The following SLCO5A1 variants were observed in gnomAD, a reference collection of about 807,000 sequenced individuals.
The protein encoded by SLCO5A1 is organic anion transporter polypeptide-related protein 4.
Under a neutral mutation model 65.1 loss-of-function variants are expected in SLCO5A1, and 39 were observed. That is an observed-to-expected ratio of 0.60 (90% CI 0.46 to 0.78). SLCO5A1 has a LOEUF of 0.78. SLCO5A1 is among the 30% of genes least tolerant of loss of function. The pLI, the probability that SLCO5A1 is intolerant of heterozygous loss-of-function variation, is 0.00. For synonymous variants in SLCO5A1, 438 were observed against 415.7 expected, an observed-to-expected ratio of 1.05 and a Z score of -0.65; for missense variants, 1,029 against 1,069.4, an observed-to-expected ratio of 0.96 and a Z score of 0.53.
At position 69,672,526 on chromosome 8, in the gene SLCO5A1, A is replaced by G. The variant is rs554400287; in HGVS notation, c.*343T>C. 1.7e-4 allele frequency: 41 copies of G among 234,916 alleles called. No homozygotes were observed. Among genetic ancestry groups the G allele is most frequent in the African/African-American group, 8.0e-4 (36 of 44,828 alleles). 14.6% of individuals were successfully genotyped at this position (234,916 alleles called of 1,614,324 possible). On this transcript the variant is annotated 3_prime_UTR_variant, in exon 10 of 10. Coordinates refer to ENST00000260126, the MANE Select transcript of SLCO5A1 (RefSeq NM_030958.3). ...CCTGGGCAAGCTCACCTTTGTTTGG[A>G]GTGTTAGTTAATGATATGCACCGCC...
intron 2 of SLCO5A1, 112 bp from the exon 3 acceptor site, chr8:69,761,987 T>C (rs1439175806): frequency 2.1e-5 from 28 of 1,346,692 alleles, no homozygotes; most frequent in Middle Eastern, 3.7e-4. Flanking sequence ...CCAGTTAACT[T>C]CCAAAAACGG....
intron 9 of SLCO5A1, among the ~76,000 whole-genome samples, chr8:69,673,857 C>T (rs1248405527): frequency 6.6e-6 from 1 of 152,116 alleles, no homozygotes; most frequent in Non-Finnish European, 1.5e-5. Context: ...AACATGGCAA[C>T]TTTGTAAAAG....
chr8:69,736,025 G>T (rs1001370760), intron 5 of SLCO5A1, among the ~76,000 whole-genome samples: 5 of 152,172 alleles, frequency 3.3e-5, no homozygotes, highest in African/African-American at 1.2e-4. Context: ...AGAAGAAGTG[G>T]AATAGCAAAC....
intron 4 of SLCO5A1, among the ~76,000 whole-genome samples, chr8:69,745,160 C>T (rs1816964841): frequency 6.6e-6 from 1 of 152,082 alleles, no homozygotes; most frequent in African/African-American, 2.4e-5. Context: ...ACATTTTCTT[C>T]AAGATTCAAA....
At chr8:69,738,424 G>C (rs750701582) in intron 4 of SLCO5A1, among the ~76,000 whole-genome samples, 17 of 150,786 alleles carry the variant, frequency 1.1e-4, no homozygotes, top group Non-Finnish European at 8.8e-5. Context: ...TGGAAATTAA[G>C]TAAAGTACCT....
Position 69,832,971 on chromosome 8 carries a change from T to C in SLCO5A1, c.-298A>G. 1 of 391,248 alleles carries C rather than the reference T, an allele frequency of 2.6e-6. No homozygotes were observed. Among genetic ancestry groups the C allele is most frequent in the Non-Finnish European group, 4.4e-6 (1 of 224,720 alleles). 24.2% of individuals were successfully genotyped at this position (391,248 alleles called of 1,614,324 possible). A position where few individuals can be genotyped will look rare whatever the true frequency, so the allele number is the denominator to read the frequency against. Reference sequence around the variant, plus strand: ...CGGGCGGTAGCTTGAGGCAGGCGCCTCGCGCGTCCCGGGCTCATCCCCTCC... The same window carrying C: ...CGGGCGGTAGCTTGAGGCAGGCGCCCCGCGCGTCCCGGGCTCATCCCCTCC... On this transcript the variant is annotated 5_prime_UTR_variant, in exon 2 of 10. Transcript: ENST00000260126. This position sits in a 1 kb window ranked among gnomAD's most constrained non-coding sequence, Gnocchi z 4.5.
intron 2 of SLCO5A1, among the ~76,000 whole-genome samples, chr8:69,775,192 G>A (rs755676982): frequency 1.3e-5 from 2 of 152,114 alleles, no homozygotes; most frequent in African/African-American, 2.4e-5. Flanking sequence ...CTTTCTCCTC[G>A]CTGCCATAGA....
chr8:69,799,396 AT>A (rs548136874), intron 2 of SLCO5A1, among the ~76,000 whole-genome samples: 24 of 152,184 alleles, frequency 1.6e-4, no homozygotes, highest in Middle Eastern at 3.4e-3. Context: ...GATATAATCA[AT>A]TTTTTTTCAT....
chr8:69,692,860 C>A (rs1380734334), intron 6 of SLCO5A1, among the ~76,000 whole-genome samples: 1 of 152,098 alleles, frequency 6.6e-6, no homozygotes, highest in African/African-American at 2.4e-5. Flanking sequence ...TCCCAGTTGA[C>A]TTTTTTAATA....
At chr8:69,802,905 C>A (rs1819813559) in intron 2 of SLCO5A1, among the ~76,000 whole-genome samples, 1 of 152,246 alleles carries the variant, frequency 6.6e-6, no homozygotes, top group Non-Finnish European at 1.5e-5. Flanking sequence ...AGAACTTCAT[C>A]TTGTGCATCA....
Position 69,832,416 on chromosome 8 carries a change from C to T in SLCO5A1, c.258G>A (p.Pro86=), listed in dbSNP as rs777138818. ...AGTCCCCGAGCCCCGCCGAAGTGGACGGGGCAGAGGGACTGGGGGCCAACG... is the reference window on the plus strand; with the variant it reads ...AGTCCCCGAGCCCCGCCGAAGTGGATGGGGCAGAGGGACTGGGGGCCAACG... ...PNPLAPSPSA[P]STSAGLGDCN... is the part of the protein sequence containing the mutation. Residue 86 remains proline, a synonymous_variant, in exon 2 of 10, where the codon CCG becomes CCA. Transcript: ENST00000260126. This position sits in a 1 kb window ranked among gnomAD's most constrained non-coding sequence, Gnocchi z 4.5. The T allele has an allele frequency of 9.9e-6, 16 of 1,612,270 alleles. No homozygotes were observed. Among genetic ancestry groups the T allele is most frequent in the Non-Finnish European group, 1.4e-5 (16 of 1,179,288 alleles).
chr8:69,670,194 T>A lies in SLCO5A1; in HGVS notation c.*2675A>T, dbSNP rs1487089950. 1.3e-5 allele frequency: 2 copies of A among 152,206 alleles called. No individual in the cohort carries two copies. Among genetic ancestry groups the A allele is most frequent in the Non-Finnish European group, 2.9e-5 (2 of 68,042 alleles). 9.4% of individuals were successfully genotyped at this position (152,206 alleles called of 1,614,324 possible). On this transcript the variant is annotated 3_prime_UTR_variant, in exon 10 of 10. Transcript: ENST00000260126. Reference sequence around the variant, plus strand: ...AGTTTATAAAGGACAAGATGACCTTTTCCAAAACAAGTAATTTGAAGCCTA... The same window carrying A: ...AGTTTATAAAGGACAAGATGACCTTATCCAAAACAAGTAATTTGAAGCCTA...
At chr8:69,786,488 A>C (rs1043266015) in intron 2 of SLCO5A1, among the ~76,000 whole-genome samples, 2 of 152,208 alleles carry the variant, frequency 1.3e-5, no homozygotes, top group Non-Finnish European at 2.9e-5. Context: ...TTAAGCTACA[A>C]CAATTAATGT....
At chr8:69,793,815 A>AAAT (rs1282752625) in intron 2 of SLCO5A1, among the ~76,000 whole-genome samples, 17 of 146,002 alleles carry the variant, frequency 1.2e-4, no homozygotes, top group African/African-American at 4.3e-4. Flanking sequence ...ATAAATAAAT[A>AAAT]AAATAAAATT....
At chr8:69,765,810 A>G (rs1260100932) in intron 2 of SLCO5A1, among the ~76,000 whole-genome samples, 1 of 152,004 alleles carries the variant, frequency 6.6e-6, no homozygotes, top group Non-Finnish European at 1.5e-5. Context: ...TGACCTCACC[A>G]TACTCTGCCT....
chr8:69,703,737 C>G (rs771830240), intron 6 of SLCO5A1, among the ~76,000 whole-genome samples: 2 of 152,040 alleles, frequency 1.3e-5, no homozygotes, highest in Non-Finnish European at 2.9e-5. Context: ...GATTCTACTG[C>G]GAAATTCTAA....
At chr8:69,733,853 A>G (rs753113885) in intron 5 of SLCO5A1, among the ~76,000 whole-genome samples, 1 of 152,238 alleles carries the variant, frequency 6.6e-6, no homozygotes, top group African/African-American at 2.4e-5. Flanking sequence ...CCAGTCTTGG[A>G]TATGTCTTTA....
rs537214084 is a variant in SLCO5A1 at position 69,717,249 on chromosome 8, G to A, written c.1424-12020C>T. ...TTTAAGCTCTTACATTAAGGCTTTC[G>A]ATTTATTTTCAGTTGCTTTTTGTAT... On this transcript the variant is annotated intron_variant, in intron 5 of 9. Transcript: ENST00000260126. Among the ~76,000 whole-genome samples the A allele has an allele frequency of 6.0e-4, 91 of 152,186 alleles. 1 individual carries two copies. The highest frequency in any genetic ancestry group is 2.1e-3 in the African/African-American group (86 of 41,542).
In SLCO5A1 at chr8:69,760,057, C is replaced by T. The variant is rs767653435; in HGVS notation, c.1040+1686G>A. On this transcript the variant is annotated intron_variant, in intron 3 of 9. Transcript: ENST00000260126. ...CTCCTGCCTTCCCTCCTTCTCCCTACCTGAGTTGGTTCTCCCCATCTTTCC... is the reference window on the plus strand; with the variant it reads ...CTCCTGCCTTCCCTCCTTCTCCCTATCTGAGTTGGTTCTCCCCATCTTTCC... Among the ~76,000 whole-genome samples, 105 of 152,330 alleles carry T rather than the reference C, an allele frequency of 6.9e-4. 1 individual carries two copies. The highest frequency in any genetic ancestry group is 1.3e-3 in the Non-Finnish European group (90 of 68,034).
Sources: allele counts gnomAD v4.1 joint callset (sites outside exome capture counted in the v4.1 genomes callset), GRCh38; gene constraint gnomAD v4.1.1; non-coding constraint Gnocchi (gnomAD v3.1); transcripts MANE v1.5; gene names NCBI Gene and HGNC (gene_info 2026-07-23, HGNC 2026-07-21).